Variants in RALYL observed in about 807,000 individuals in gnomAD.
RALYL encodes RALY RNA binding protein like, also known as RNA-binding Raly-like protein.
RALYL carries 29 observed loss-of-function variants against 35.1 expected under a neutral mutation model. That is an observed-to-expected ratio of 0.83 (90% CI 0.61 to 1.13). The LOEUF is 1.13. Among genes scored for constraint, RALYL ranks in the 50% most tolerant of loss-of-function variants. The pLI, the probability that RALYL is intolerant of heterozygous loss-of-function variation, is 0.00. For synonymous variants in RALYL, 120 were observed against 127.6 expected, an observed-to-expected ratio of 0.94 and a Z score of 0.40; for missense variants, 359 against 360.4, an observed-to-expected ratio of 1.00 and a Z score of 0.03.
At chr8:84,544,177 G>T (rs1192745474) in intron 2 of RALYL, among the ~76,000 whole-genome samples, 1 of 151,932 alleles carries the variant, frequency 6.6e-6, no homozygotes, top group Non-Finnish European at 1.5e-5. Flanking sequence ...TAAATACACA[G>T]TTTTAATGTT....
At chr8:84,422,160 T>A (rs1172251797) in intron 1 of RALYL, among the ~76,000 whole-genome samples, 1 of 137,336 alleles carries the variant, frequency 7.3e-6, no homozygotes, top group Admixed American at 7.3e-5. Context: ...AGAATTCGGC[T>A]GTGAATCTAT....
chr8:84,288,571 G>A (rs1055297455), intron 1 of RALYL, among the ~76,000 whole-genome samples: 3 of 152,004 alleles, frequency 2.0e-5, no homozygotes, highest in Middle Eastern at 3.4e-3. Context: ...TCTTTTTTCT[G>A]CATTTTTAGT....
intron 2 of RALYL, among the ~76,000 whole-genome samples, chr8:84,697,364 G>T (rs975552635): frequency 6.6e-6 from 1 of 151,770 alleles, no homozygotes; most frequent in Non-Finnish European, 1.5e-5. Flanking sequence ...AAATTGTTTG[G>T]TTATGTGTGT....
intron 1 of RALYL, among the ~76,000 whole-genome samples, chr8:84,290,161 T>G (rs1838483464): frequency 6.6e-6 from 1 of 152,180 alleles, no homozygotes. Context: ...AAGACAAAAC[T>G]TCTTTCATGT....
At chr8:84,313,575 G>C (rs1012363528) in intron 1 of RALYL, among the ~76,000 whole-genome samples, 30 of 152,130 alleles carry the variant, frequency 2.0e-4, no homozygotes, top group Admixed American at 2.0e-3. Context: ...AATTTCTTCT[G>C]CGAGATACCC....
intron 1 of RALYL, among the ~76,000 whole-genome samples, chr8:84,286,531 C>T (rs546510793): frequency 6.6e-6 from 1 of 152,272 alleles, no homozygotes; most frequent in African/African-American, 2.4e-5. Flanking sequence ...TGCAGAGCAC[C>T]TCGCAAGGAG....
At chr8:84,669,322 C>T (rs1832722490) in intron 2 of RALYL, among the ~76,000 whole-genome samples, 1 of 152,014 alleles carries the variant, frequency 6.6e-6, no homozygotes, top group South Asian at 2.1e-4. Flanking sequence ...TGGGAATTAC[C>T]ATTTTGGAAC....
intron 2 of RALYL, among the ~76,000 whole-genome samples, chr8:84,567,690 T>TA (rs1588223074): frequency 1.3e-5 from 2 of 151,354 alleles, no homozygotes; most frequent in South Asian, 2.1e-4. Context: ...TTTTTTTTTT[T>TA]ATAATGATTT....
intron 1 of RALYL, among the ~76,000 whole-genome samples, chr8:84,472,919 G>C (rs1012640188): frequency 3.9e-5 from 6 of 152,102 alleles, no homozygotes; most frequent in Non-Finnish European, 8.8e-5. Flanking sequence ...TAATCTTTGA[G>C]ACTGGATTGC....
chr8:84,900,767 G>T (rs1781671488), intron 8 of RALYL, among the ~76,000 whole-genome samples: 1 of 152,102 alleles, frequency 6.6e-6, no homozygotes, highest in Non-Finnish European at 1.5e-5. Flanking sequence ...AGCATGTAAG[G>T]TAGCACCAAA....
intron 4 of RALYL, among the ~76,000 whole-genome samples, chr8:84,841,734 C>T (rs1296450121): frequency 6.6e-6 from 1 of 152,208 alleles, no homozygotes; most frequent in African/African-American, 2.4e-5. Flanking sequence ...CACTCCTCTG[C>T]AAATGTAAAA....
chr8:84,232,425 T>C (rs765230332), intron 1 of RALYL, among the ~76,000 whole-genome samples: 1 of 151,482 alleles, frequency 6.6e-6, no homozygotes, highest in African/African-American at 2.5e-5. Context: ...GATAATGAGA[T>C]ATCATTTTAG....
chr8:84,700,967 G>A (rs1840078417), intron 2 of RALYL, among the ~76,000 whole-genome samples: 1 of 152,140 alleles, frequency 6.6e-6, no homozygotes, highest in South Asian at 2.1e-4. Context: ...CATAGGAATT[G>A]TATGAATAGG....
At chr8:84,883,894 T>C (rs1243619656) in intron 7 of RALYL, among the ~76,000 whole-genome samples, 1 of 152,094 alleles carries the variant, frequency 6.6e-6, no homozygotes, top group Non-Finnish European at 1.5e-5. Flanking sequence ...TTGTGTGGTC[T>C]TTGCAGTTTA....
At chr8:84,845,125 A>G (rs944963060) in intron 4 of RALYL, among the ~76,000 whole-genome samples, 4 of 152,218 alleles carry the variant, frequency 2.6e-5, no homozygotes, top group African/African-American at 7.2e-5. Flanking sequence ...TAATAAAAAA[A>G]TTAAAAAAAA....
intron 1 of RALYL, among the ~76,000 whole-genome samples, chr8:84,189,440 T>C (rs1813324646): frequency 6.6e-6 from 1 of 152,160 alleles, no homozygotes; most frequent in Non-Finnish European, 1.5e-5. Context: ...CATTTCTGAG[T>C]CATTTCGGAA....
intron 1 of RALYL, among the ~76,000 whole-genome samples, chr8:84,466,420 G>A (rs1325233467): frequency 2.0e-5 from 3 of 148,734 alleles, no homozygotes; most frequent in African/African-American, 7.4e-5. Context: ...TTTGTCTTTG[G>A]CTCTGTTTAT....
intron 1 of RALYL, among the ~76,000 whole-genome samples, chr8:84,519,592 G>A (rs1401298847): frequency 6.6e-6 from 1 of 152,160 alleles, no homozygotes; most frequent in Non-Finnish European, 1.5e-5. Context: ...TAGACCAATG[G>A]CAGATATACC....
chr8:84,776,562 T>C lies in RALYL; in HGVS notation c.332+1908T>C, dbSNP rs75936993. ...GATTTATAAAACCGAGAAATTTTTA[T>C]CAGATTCATTTGTAAATGTATACAT... is the stretch of plus-strand genomic sequence containing the variant. On this transcript the variant is annotated intron_variant, in intron 3 of 8. Coordinates refer to ENST00000521268, the MANE Select transcript of RALYL (RefSeq NM_173848.7). Among the ~76,000 whole-genome samples, 44 of 152,342 alleles carry C rather than the reference T, an allele frequency of 2.9e-4. 1 individual carries two copies. The East Asian group carries it at 8.3e-3, about 29-fold the overall frequency.
Sources: allele counts gnomAD v4.1 joint callset (sites outside exome capture counted in the v4.1 genomes callset), GRCh38; gene constraint gnomAD v4.1.1; transcripts MANE v1.5; gene names NCBI Gene and HGNC (gene_info 2026-07-23, HGNC 2026-07-21).